BNIP1: variants seen among roughly 807,000 people sequenced by gnomAD.
BNIP1 encodes BCL2 interacting protein 1, also known as vesicle transport protein SEC20.
Under a neutral mutation model 28.5 loss-of-function variants are expected in BNIP1, and 25 were observed. That is an observed-to-expected ratio of 0.88 (90% CI 0.64 to 1.23). BNIP1 has a LOEUF of 1.23. Ranked by LOEUF, BNIP1 falls within the 50% of genes most tolerant of loss-of-function variation. BNIP1 has a pLI of 0.00. For synonymous variants in BNIP1, 118 were observed against 101.7 expected, an observed-to-expected ratio of 1.16 and a Z score of -0.96; for missense variants, 276 against 277.0, an observed-to-expected ratio of 1.00 and a Z score of 0.02.
At chr5:173,159,300 A>C (rs916623868) in intron 4 of BNIP1, among the ~76,000 whole-genome samples, 2 of 152,208 alleles carry the variant, frequency 1.3e-5, no homozygotes, top group Non-Finnish European at 2.9e-5. Flanking sequence ...CAGCCTCCCA[A>C]AGTGCTAGGA....
chr5:173,152,534 G>GTT (rs1324690276), intron 2 of BNIP1, among the ~76,000 whole-genome samples: 134 of 151,874 alleles, frequency 8.8e-4, no homozygotes, highest in Non-Finnish European at 1.6e-3. Flanking sequence ...TATTTTTAGT[G>GTT]GAGACGGGGT....
chr5:173,153,264 G>C (rs1329550885), intron 2 of BNIP1, among the ~76,000 whole-genome samples: 1 of 150,230 alleles, frequency 6.7e-6, no homozygotes, highest in Non-Finnish European at 1.5e-5. Flanking sequence ...GTCTCTCTCT[G>C]TCGCCCAGGC....
chr5:173,151,078 G>C (rs1045517618), intron 2 of BNIP1, among the ~76,000 whole-genome samples: 13 of 151,996 alleles, frequency 8.6e-5, no homozygotes, highest in African/African-American at 3.1e-4. Flanking sequence ...TTTGTGATCA[G>C]CCTGCCTCAG....
chr5:173,151,720 A>C lies in BNIP1; in HGVS notation c.178-2602A>C, dbSNP rs1479311636. The C allele has an allele frequency of 2.3e-5, 37 of 1,611,478 alleles. No homozygotes were observed. The East Asian group carries it at 8.3e-4, about 36-fold the overall frequency. ...GTGAGTATTTGTATGTTCTTTTTAA[A>C]CATCTGGGTGCCCACCCAGTGTTTA... On this transcript the variant is annotated intron_variant, in intron 2 of 5. Transcript: ENST00000351486.
Position 173,159,934 on chromosome 5 carries a change from A to C in BNIP1, c.373A>C (p.Lys125Gln). The change falls in exon 5 of 6, where the codon AAA becomes CAA. Residue 125 changes from lysine to glutamine, a missense_variant and splice_region_variant. Lys to Gln is a moderately conservative substitution (Grantham distance 53). Coordinates refer to ENST00000351486, the MANE Select transcript of BNIP1 (RefSeq NM_001205.3). ...LQGGDLLRQR[K>Q]TTKESLAQTS... Reference sequence around the variant, plus strand: ...CTTTCTCTTCCTCTGAACTTTTAGGAAAACCACCAAAGAGAGCCTGGCCCA... The same window carrying C: ...CTTTCTCTTCCTCTGAACTTTTAGGCAAACCACCAAAGAGAGCCTGGCCCA... 1.2e-6 allele frequency: 2 copies of C among 1,613,748 alleles called. No homozygotes were observed. Among genetic ancestry groups the C allele is most frequent in the South Asian group, 2.2e-5 (2 of 91,028 alleles).
At chr5:173,158,019 C>T (rs1760253468) in intron 3 of BNIP1, among the ~76,000 whole-genome samples, 1 of 151,706 alleles carries the variant, frequency 6.6e-6, no homozygotes, top group Admixed American at 6.6e-5. Context: ...CTCCACTTCC[C>T]AGGCTCAGGT....
chr5:173,161,425 A>G (rs1417957530), intron 5 of BNIP1: 2 of 152,312 alleles, frequency 1.3e-5, no homozygotes. Flanking sequence ...GAGAGGGAGC[A>G]AGGCGACAAC....
chr5:173,153,629 T>C (rs1227023132), intron 2 of BNIP1, among the ~76,000 whole-genome samples: 1 of 152,186 alleles, frequency 6.6e-6, no homozygotes, highest in African/African-American at 2.4e-5. Context: ...CCCTGGTTGG[T>C]TATAAATTCT....
chr5:173,161,489 C>G (rs191538173), intron 5 of BNIP1: 1 of 152,216 alleles, frequency 6.6e-6, no homozygotes, highest in Non-Finnish European at 1.5e-5. Context: ...GCATACCCCC[C>G]GCTAACAGTG....
intron 4 of BNIP1, among the ~76,000 whole-genome samples, chr5:173,159,546 A>G (rs1760302876): frequency 6.6e-6 from 1 of 152,086 alleles, no homozygotes. Context: ...ATGTTAATAC[A>G]ATTCCCTGTG....
At chr5:173,162,950 A>T (rs186327615) in intron 5 of BNIP1, among the ~76,000 whole-genome samples, 115 of 152,292 alleles carry the variant, frequency 7.6e-4, no homozygotes, top group Non-Finnish European at 1.4e-3. Flanking sequence ...CCTGTTTCTT[A>T]CCTAAATGGA....
chr5:173,156,671 A>G (rs1272780960), intron 3 of BNIP1, among the ~76,000 whole-genome samples: 5 of 146,750 alleles, frequency 3.4e-5, no homozygotes, highest in African/African-American at 1.0e-4. Context: ...TTTTTGAGAC[A>G]GAGTCTCACT....
At chr5:173,157,716 A>G (rs903982123) in intron 3 of BNIP1, among the ~76,000 whole-genome samples, 1 of 151,958 alleles carries the variant, frequency 6.6e-6, no homozygotes, top group African/African-American at 2.4e-5. Flanking sequence ...CGCCCGGTCA[A>G]CTGTCACATT....
intron 2 of BNIP1, among the ~76,000 whole-genome samples, chr5:173,150,840 T>G (rs1759995723): frequency 1.3e-5 from 2 of 152,134 alleles, no homozygotes; most frequent in African/African-American, 4.8e-5. Flanking sequence ...ATACTTTTGT[T>G]TTTTTGTTTT....
intron 2 of BNIP1, among the ~76,000 whole-genome samples, chr5:173,150,563 T>C (rs1381138595): frequency 6.6e-6 from 1 of 152,210 alleles, no homozygotes; most frequent in Non-Finnish European, 1.5e-5. Flanking sequence ...ATCATCTTAA[T>C]TTTTTATTTT....
chr5:173,159,180 G>T (rs1230699186), intron 4 of BNIP1, among the ~76,000 whole-genome samples: 1 of 152,060 alleles, frequency 6.6e-6, no homozygotes, highest in African/African-American at 2.4e-5. Flanking sequence ...TGGGATTACA[G>T]TTGCGTGCCA....
chr5:173,148,126 ATATATATATATT>A (rs1759916489), intron 2 of BNIP1, among the ~76,000 whole-genome samples: 3 of 99,872 alleles, frequency 3.0e-5, no homozygotes, highest in Admixed American at 1.2e-4. Context: ...ATATATATAT[ATATATATATATT>A]TTAATAGAGA....
At chr5:173,152,373 GGA>G (rs1760049304) in intron 2 of BNIP1, among the ~76,000 whole-genome samples, 1 of 149,736 alleles carries the variant, frequency 6.7e-6, no homozygotes, top group East Asian at 1.9e-4. Flanking sequence ...TTTTTGAGAC[GGA>G]GTCTCACTCT....
At chr5:173,160,115 C>CA in intron 5 of BNIP1, 64 bp downstream of exon 5, 1 of 1,442,872 alleles carries the variant, frequency 6.9e-7, no homozygotes, top group Non-Finnish European at 9.6e-7. Context: ...CTTGCCCTGG[C>CA]ACCTCCACTC....
Sources: gnomAD v4.1 joint callset for allele counts (sites outside exome capture counted in the v4.1 genomes callset) on GRCh38, gnomAD v4.1.1 for gene constraint, MANE v1.5 for transcripts, NCBI Gene and HGNC (gene_info 2026-07-23, HGNC 2026-07-21) for gene names.